Variants in MTIF2 observed in about 807,000 individuals in gnomAD.
The protein encoded by MTIF2 is translation initiation factor IF-2, mitochondrial.
A neutral mutation model predicts 83.5 loss-of-function variants in MTIF2; 71 were observed. The ratio of observed to expected loss-of-function variants is 0.85; its 90% CI spans 0.70 to 1.04. The LOEUF is 1.04. Among genes scored for constraint, MTIF2 ranks in the 50% least tolerant of loss-of-function variants. The pLI, the probability that MTIF2 is intolerant of heterozygous loss-of-function variation, is 0.00. For missense variants in MTIF2, 957 were observed against 846.5 expected (o/e 1.13, Z -1.62); for synonymous variants, 319 against 287.1 (o/e 1.11, Z -1.12).
At chr2:55,241,417 CAA>C (rs71410490) in intron 13 of MTIF2, among the ~76,000 whole-genome samples, 2 of 80,558 alleles carry the variant, frequency 2.5e-5, no homozygotes, top group Non-Finnish European at 2.5e-5. Flanking sequence ...GACTCTGTCT[CAA>C]AAAAAAAAAA....
In MTIF2 at chr2:55,268,721, G is replaced by A. The variant is rs776148085; in HGVS notation, c.-218C>T. 1 of 152,268 alleles carries A rather than the reference G, an allele frequency of 6.6e-6. No homozygotes were observed. 9.4% of individuals were successfully genotyped at this position (152,268 alleles called of 1,614,324 possible). On this transcript the variant is annotated 5_prime_UTR_variant, in exon 2 of 16. Coordinates refer to ENST00000263629, the MANE Select transcript of MTIF2 (RefSeq NM_002453.3). ...CAGTACGGTGTTGTTTCGCCGCTAGGATATCCTTGTCAAGGAATCTGAAAA... is the reference window on the plus strand; with the variant it reads ...CAGTACGGTGTTGTTTCGCCGCTAGAATATCCTTGTCAAGGAATCTGAAAA...
intron 8 of MTIF2, among the ~76,000 whole-genome samples, chr2:55,249,847 T>G (rs1020980008): frequency 2.0e-5 from 3 of 152,080 alleles, no homozygotes; most frequent in Non-Finnish European, 2.9e-5. Context: ...ATCCTAGCAC[T>G]TTGGGAAGCT....
chr2:55,249,845 A>C (rs1676968249), intron 8 of MTIF2, among the ~76,000 whole-genome samples: 1 of 152,266 alleles, frequency 6.6e-6, no homozygotes, highest in Non-Finnish European at 1.5e-5. Flanking sequence ...TAATCCTAGC[A>C]CTTTGGGAAG....
intron 5 of MTIF2, among the ~76,000 whole-genome samples, chr2:55,257,246 G>A (rs748212242): frequency 4.6e-5 from 7 of 152,132 alleles, no homozygotes; most frequent in Non-Finnish European, 2.9e-5. Flanking sequence ...TTGGGAGGCC[G>A]AGGTGGGCAG....
intron 11 of MTIF2, 90 bp from the exon 12 acceptor site, chr2:55,243,758 G>C: frequency 1.5e-6 from 2 of 1,349,976 alleles, no homozygotes; most frequent in Non-Finnish European, 2.0e-6. Context: ...TAGGAAATTA[G>C]CTTAACTCAT....
chr2:55,267,164 A>T (rs1022120237), intron 3 of MTIF2, among the ~76,000 whole-genome samples: 1 of 148,318 alleles, frequency 6.7e-6, no homozygotes, highest in African/African-American at 2.5e-5. Flanking sequence ...AATATACTGA[A>T]TTTTTTTTTT....
In MTIF2 at chr2:55,252,475, A is replaced by G. The variant is rs753918149; in HGVS notation, c.841+2T>C. On this transcript the variant is annotated splice_donor_variant, in intron 8 of 15. Coordinates refer to ENST00000263629, the MANE Select transcript of MTIF2 (RefSeq NM_002453.3). LOFTEE classifies it high-confidence loss of function. ...AGATCCATTAAGTCAGCCACACAGT[A>G]CCCTGTGCATCTTTGGCATGCTGAA... The G allele has an allele frequency of 4.3e-6, 7 of 1,613,524 alleles. No individual in the cohort carries two copies. The highest frequency in any genetic ancestry group is 5.1e-6 in the Non-Finnish European group (6 of 1,179,650).
chr2:55,264,409 G>T (rs746538283), intron 3 of MTIF2, among the ~76,000 whole-genome samples: 21 of 152,106 alleles, frequency 1.4e-4, no homozygotes, highest in Non-Finnish European at 2.6e-4. Context: ...TTTTTTGTTT[G>T]TTTTTTTGGT....
At chr2:55,245,053 A>G (rs1351993279) in intron 10 of MTIF2, among the ~76,000 whole-genome samples, 1 of 152,152 alleles carries the variant, frequency 6.6e-6, no homozygotes, top group Non-Finnish European at 1.5e-5. Context: ...ACTCAAAAAA[A>G]GAAAAATTAA....
chr2:55,237,141 A>G (rs948219733), intron 15 of MTIF2, 147 bp downstream of exon 15: 2 of 933,638 alleles, frequency 2.1e-6, no homozygotes, highest in Non-Finnish European at 3.2e-6. Context: ...CCCATCAACT[A>G]CAGACAATTT....
chr2:55,246,482 G>A, intron 9 of MTIF2, 21 bp from the exon 10 acceptor site: 1 of 1,603,630 alleles, frequency 6.2e-7, no homozygotes, highest in Non-Finnish European at 8.5e-7. Flanking sequence ...AACAAACGTT[G>A]TTAATACACA....
Position 55,263,624 on chromosome 2 carries a change from A to G in MTIF2, c.219+16T>C, listed in dbSNP as rs780947480. On this transcript the variant is annotated intron_variant, in intron 4 of 15. Transcript: ENST00000263629. ...GACTCCATCTCAAAAAAAAAAAAAAAGAAATCTGTAACTACCTTTTTTGTT... is the reference window on the plus strand; with the variant it reads ...GACTCCATCTCAAAAAAAAAAAAAAGGAAATCTGTAACTACCTTTTTTGTT... 2.9e-5 allele frequency: 46 copies of G among 1,563,820 alleles called. No individual in the cohort carries two copies. Among genetic ancestry groups the G allele is most frequent in the Non-Finnish European group, 4.0e-5 (46 of 1,153,552 alleles).
At position 55,243,796 on chromosome 2, in the gene MTIF2, C is replaced by A. The variant is rs993549616; in HGVS notation, c.1312-128G>T. The A allele has an allele frequency of 4.5e-6, 5 of 1,112,274 alleles. No homozygotes were observed. The African/African-American group carries it at 6.3e-5, about 14-fold the overall frequency. 68.9% of individuals were successfully genotyped at this position (1,112,274 alleles called of 1,614,324 possible). On this transcript the variant is annotated intron_variant, in intron 11 of 15. Transcript: ENST00000263629. The stretch of plus-strand genomic sequence containing the variant: ...ATGAAACTACTACTTTTATAAGTTT[C>A]AAGAAACATGTAAAATTTTAATTTG...
chr2:55,254,269 TCA>T, intron 6 of MTIF2, 68 bp from the exon 7 acceptor site: 1 of 1,530,726 alleles, frequency 6.5e-7, no homozygotes, highest in Non-Finnish European at 8.9e-7. Flanking sequence ...GTGAATTGGT[TCA>T]CATTTATCCC....
chr2:55,262,892 C>G (rs1160978727), intron 4 of MTIF2, among the ~76,000 whole-genome samples: 1 of 152,138 alleles, frequency 6.6e-6, no homozygotes, highest in Non-Finnish European at 1.5e-5. Flanking sequence ...CCATGCCTGG[C>G]TAATTTTTGT....
intron 2 of MTIF2, 26 bp from the exon 3 acceptor site, chr2:55,267,661 G>C (rs903346641): frequency 6.2e-6 from 1 of 161,120 alleles, no homozygotes; most frequent in African/African-American, 2.4e-5. Flanking sequence ...AAATAAATAA[G>C]TGTTTGAATA....
chr2:55,267,418 C>G (rs1678520279), intron 3 of MTIF2, among the ~76,000 whole-genome samples, 151 bp downstream of exon 3: 1 of 152,160 alleles, frequency 6.6e-6, no homozygotes. Flanking sequence ...CTTGGCCTCC[C>G]AAAGTGCTGG....
intron 3 of MTIF2, among the ~76,000 whole-genome samples, chr2:55,265,428 C>T (rs1416756802): frequency 1.3e-5 from 2 of 151,556 alleles, no homozygotes. Flanking sequence ...GCACACGAGA[C>T]ACTACCTATG....
chr2:55,242,728 A>G (rs1175313203), intron 13 of MTIF2, among the ~76,000 whole-genome samples: 1 of 152,178 alleles, frequency 6.6e-6, no homozygotes, highest in Non-Finnish European at 1.5e-5. Flanking sequence ...AGTTCCCCAA[A>G]ACTGCAGTAC....
Sources: allele counts gnomAD v4.1 joint callset (sites outside exome capture counted in the v4.1 genomes callset), GRCh38; gene constraint gnomAD v4.1.1; transcripts MANE v1.5; gene names NCBI Gene and HGNC (gene_info 2026-07-23, HGNC 2026-07-21).